The following EIF4G3 variants were observed in gnomAD, a reference collection of about 807,000 sequenced individuals.
EIF4G3 encodes eIF-4-gamma 3.
A neutral mutation model predicts 186.4 loss-of-function variants in EIF4G3; 34 were observed. The observed-to-expected ratio is 0.18, with a 90% CI of 0.14 to 0.24. The LOEUF is 0.24. Ranked by LOEUF, EIF4G3 falls within the 10% of genes least tolerant of loss-of-function variation. The pLI is 1.00. For synonymous variants in EIF4G3, 673 were observed against 679.5 expected (o/e 0.99, Z 0.15); for missense variants, 1,536 against 1,948.5 (o/e 0.79, Z 3.99).
At position 21,085,819 on chromosome 1, in the gene EIF4G3, G is replaced by A. The variant is rs115659283; in HGVS notation, c.-196+3319C>T. On this transcript the variant is annotated intron_variant, in intron 3 of 36. Transcript: ENST00000602326. The stretch of plus-strand genomic sequence containing the variant: ...AGCAATTCTCCTGCCTCAGTCTCCC[G>A]AATAGCTGGGACTACAGGTTCACGC... 3.0e-3 allele frequency among the ~76,000 whole-genome samples: 461 copies of A among 152,040 alleles called. 2 individuals are homozygous for A. Among genetic ancestry groups the A allele is most frequent in the Non-Finnish European group, 5.3e-3 (360 of 67,984 alleles).
At chr1:21,020,963 C>T (rs2154570834) in intron 4 of EIF4G3, among the ~76,000 whole-genome samples, 1 of 151,512 alleles carries the variant, frequency 6.6e-6, no homozygotes, top group East Asian at 1.9e-4. Context: ...AAAAAGAATG[C>T]TGGCATTTAT....
intron 13 of EIF4G3, among the ~76,000 whole-genome samples, chr1:20,948,017 C>T (rs547257541): frequency 1.3e-5 from 2 of 152,274 alleles, no homozygotes; most frequent in Non-Finnish European, 2.9e-5. Context: ...GAACTATCAT[C>T]ATCAAAGTAT....
At chr1:21,099,371 T>C (rs571916322) in intron 2 of EIF4G3, among the ~76,000 whole-genome samples, 4 of 152,174 alleles carry the variant, frequency 2.6e-5, no homozygotes, top group Non-Finnish European at 5.9e-5. Context: ...GAGTCAAATA[T>C]CTTCAACTGG....
chr1:20,999,099 C>G (rs1446850295), intron 6 of EIF4G3, among the ~76,000 whole-genome samples: 1 of 152,182 alleles, frequency 6.6e-6, no homozygotes, highest in Admixed American at 6.6e-5. Context: ...ATGTAGGAGA[C>G]AGCTGAAAAC....
intron 4 of EIF4G3, among the ~76,000 whole-genome samples, chr1:21,043,780 A>G (rs2093707635): frequency 6.7e-6 from 1 of 150,350 alleles, no homozygotes; most frequent in Admixed American, 6.6e-5. Flanking sequence ...AGGCTAAGGC[A>G]GGAGGATAGC....
chr1:20,872,778 G>A (rs2079586477), intron 20 of EIF4G3, among the ~76,000 whole-genome samples: 2 of 146,650 alleles, frequency 1.4e-5, no homozygotes, highest in Non-Finnish European at 3.0e-5. Flanking sequence ...GAGTGCAGTG[G>A]CATGATCTCA....
At chr1:21,065,536 T>G (rs2154579438) in intron 3 of EIF4G3, among the ~76,000 whole-genome samples, 1 of 151,004 alleles carries the variant, frequency 6.6e-6, no homozygotes, top group South Asian at 2.1e-4. Context: ...GGAGACAGAC[T>G]GAAACTCTAT....
chr1:21,108,261 A>C (rs770421946), intron 2 of EIF4G3, among the ~76,000 whole-genome samples: 34 of 152,326 alleles, frequency 2.2e-4, no homozygotes, highest in Middle Eastern at 6.8e-3. Flanking sequence ...GGAAGGTCTA[A>C]AATAAGCTAG....
chr1:21,173,935 C>T (rs973609765), intron 2 of EIF4G3, among the ~76,000 whole-genome samples: 8 of 152,144 alleles, frequency 5.3e-5, no homozygotes, highest in African/African-American at 1.9e-4. Context: ...TTAATCAATA[C>T]CCCATTACCA....
At position 20,817,514 on chromosome 1, in the gene EIF4G3, T is replaced by G; in HGVS notation, c.4393A>C (p.Ser1465Arg). Residue 1465 changes from serine to arginine, a missense_variant, in exon 34 of 37, where the codon AGT becomes CGT. Transcript: ENST00000602326. ...GAAAGTGCTTCAGAGGAACAGGGAC[T>G]GTCAGACTCTATGAAGTCCAACTTC... ...EQKLDFIESD[S>R]PCSSEALSKK... is the part of the protein sequence containing the mutation. The G allele has an allele frequency of 1.2e-6, 2 of 1,601,008 alleles. No homozygotes were observed. The highest frequency in any genetic ancestry group is 1.7e-6 in the Non-Finnish European group (2 of 1,172,490).
At chr1:20,834,134 C>G (rs1282300232) in intron 30 of EIF4G3, among the ~76,000 whole-genome samples, 6 of 152,048 alleles carry the variant, frequency 3.9e-5, no homozygotes, top group Non-Finnish European at 5.9e-5. Context: ...AATCAAAAGA[C>G]TGAGTGGCTA....
chr1:20,965,318 T>G (rs1569734404), intron 12 of EIF4G3, among the ~76,000 whole-genome samples: 1 of 152,336 alleles, frequency 6.6e-6, no homozygotes, highest in African/African-American at 2.4e-5. Flanking sequence ...AAAGACGTAT[T>G]TTTAAACATG....
chr1:21,088,188 G>A (rs1258413275), intron 3 of EIF4G3, among the ~76,000 whole-genome samples: 4 of 152,128 alleles, frequency 2.6e-5, no homozygotes, highest in Admixed American at 2.0e-4. Flanking sequence ...GCACTTTGAG[G>A]GGCTGAGGTG....
chr1:20,893,454 G>A, intron 18 of EIF4G3, 63 bp downstream of exon 18: 1 of 1,480,940 alleles, frequency 6.8e-7, no homozygotes, highest in Non-Finnish European at 9.1e-7. Flanking sequence ...TTGCCATGAG[G>A]TAGGATTTCA....
At chr1:21,006,132 C>T (rs572740140) in intron 4 of EIF4G3, among the ~76,000 whole-genome samples, 1 of 152,186 alleles carries the variant, frequency 6.6e-6, no homozygotes, top group African/African-American at 2.4e-5. Flanking sequence ...TTCTTAGGAA[C>T]AGTATGACTT....
intron 20 of EIF4G3, among the ~76,000 whole-genome samples, chr1:20,873,541 A>G (rs1476749677): frequency 6.6e-6 from 1 of 152,162 alleles, no homozygotes; most frequent in African/African-American, 2.4e-5. Context: ...ATAGTACATG[A>G]ACATCTTCAA....
At chr1:20,842,838 C>A (rs1421515130) in intron 29 of EIF4G3, among the ~76,000 whole-genome samples, 1 of 149,698 alleles carries the variant, frequency 6.7e-6, no homozygotes, top group African/African-American at 2.5e-5. Context: ...CCTTGTGGGT[C>A]TTTTAGTTTT....
In EIF4G3 at chr1:21,065,549, T is replaced by TA. The variant is rs562575980; in HGVS notation, c.-195-14556dup. ...TGGGAGACAGACTGAAACTCTATCTTAAAAAAAAAACAGTGGTGGGGCGGC... is the reference window on the plus strand; with the variant it reads ...TGGGAGACAGACTGAAACTCTATCTTAAAAAAAAAAACAGTGGTGGGGCGGC... On this transcript the variant is annotated intron_variant, in intron 3 of 36. Coordinates refer to ENST00000602326, the MANE Select transcript of EIF4G3 (RefSeq NM_001391906.1). Among the ~76,000 whole-genome samples the TA allele has an allele frequency of 6.2e-3, 904 of 145,428 alleles. 3 individuals are homozygous for TA. The highest frequency in any genetic ancestry group is 0.015 in the African/African-American group (600 of 39,638).
chr1:21,052,797 G>C (rs1240104582), intron 3 of EIF4G3, among the ~76,000 whole-genome samples: 1 of 152,184 alleles, frequency 6.6e-6, no homozygotes, highest in African/African-American at 2.4e-5. Context: ...TGGCCGGGCT[G>C]GTCTCCAGCT....
Sources: gnomAD v4.1 joint callset for allele counts (sites outside exome capture counted in the v4.1 genomes callset) on GRCh38, gnomAD v4.1.1 for gene constraint, MANE v1.5 for transcripts, NCBI Gene and HGNC (gene_info 2026-07-23, HGNC 2026-07-21) for gene names.